Variants in PAXIP1 observed in about 807,000 individuals in gnomAD.
PAXIP1 encodes the protein PAX-interacting protein 1.
A neutral mutation model predicts 140.6 loss-of-function variants in PAXIP1; 19 were observed. The ratio of observed to expected loss-of-function variants is 0.14; its 90% confidence interval spans 0.09 to 0.20. The LOEUF is 0.20. Ranked by LOEUF, PAXIP1 falls within the 10% of genes least tolerant of loss-of-function variation. The probability of loss-of-function intolerance (pLI) is 1.00; values close to 1 mark genes in which losing one functional copy is unlikely to be tolerated. For synonymous variants in PAXIP1, 442 were observed against 444.6 expected, an observed-to-expected ratio of 0.99 and a Z score of 0.07; for missense variants, 920 against 1,208.6, an observed-to-expected ratio of 0.76 and a Z score of 3.54.
chr7:154,952,506 A>G (rs764316295), intron 16 of PAXIP1, among the ~76,000 whole-genome samples: 2 of 152,248 alleles, frequency 1.3e-5, no homozygotes, highest in Non-Finnish European at 1.5e-5. Context: ...AAGTGCAAGA[A>G]GGCAGTGATG....
intron 15 of PAXIP1, 107 bp downstream of exon 15, chr7:154,955,422 T>C: frequency 2.9e-6 from 2 of 689,582 alleles, no homozygotes; most frequent in Admixed American, 2.6e-5. Flanking sequence ...ATAAAGACTG[T>C]TATAACTATC....
chr7:154,997,104 G>A (rs974931580), intron 2 of PAXIP1, among the ~76,000 whole-genome samples: 15 of 152,160 alleles, frequency 9.9e-5, no homozygotes, highest in African/African-American at 3.6e-4. Flanking sequence ...ATGTTCCAAA[G>A]AAGAGGGTGC....
chr7:154,984,556 T>C (rs186642700), intron 4 of PAXIP1, among the ~76,000 whole-genome samples: 7 of 152,238 alleles, frequency 4.6e-5, no homozygotes, highest in African/African-American at 1.7e-4. Flanking sequence ...TACACACTAT[T>C]CTATGAATAT....
intron 7 of PAXIP1, 63 bp from the exon 8 acceptor site, chr7:154,967,973 T>A: frequency 9.2e-7 from 1 of 1,083,052 alleles, no homozygotes; most frequent in Non-Finnish European, 1.4e-6. Context: ...GCACAAAAGT[T>A]AAAAAGTGGC....
In PAXIP1 at chr7:154,984,767, TTATC is replaced by T. The variant is rs1194317924; in HGVS notation, c.325-1439_325-1436del. On this transcript the variant is annotated intron_variant, in intron 4 of 20. Transcript: ENST00000404141. ...TAATACAGATTAATCCAATGAGTCA[TTATC>T]TAATCTTTATTAAAAATGAAATTAA... 2.0e-5 allele frequency among the ~76,000 whole-genome samples: 3 copies of T among 152,358 alleles called. No homozygotes were observed. The East Asian group carries it at 5.8e-4, about 29-fold the overall frequency.
intron 2 of PAXIP1, among the ~76,000 whole-genome samples, chr7:154,996,968 A>G (rs1047457954): frequency 2.6e-5 from 4 of 152,194 alleles, no homozygotes; most frequent in African/African-American, 9.7e-5. Context: ...AGATATGCAA[A>G]GCCGCTTTAC....
At position 154,954,347 on chromosome 7, in the gene PAXIP1, C is replaced by T. The variant is rs760398394; in HGVS notation, c.2729G>A (p.Arg910His). 2 of 1,608,468 alleles carry T rather than the reference C, an allele frequency of 1.2e-6. No homozygotes were observed. The highest frequency in any genetic ancestry group is 1.7e-4 in the Middle Eastern group (1 of 6,048). The change falls in exon 16 of 21, where the codon CGC (arginine) becomes CAC (histidine). Residue 910 changes from arginine to histidine, a missense_variant. Physicochemically the swap from Arg to His is conservative, Grantham distance 29. Coordinates refer to ENST00000404141, the MANE Select transcript of PAXIP1 (RefSeq NM_007349.4). The surrounding 1 kb of genome is among the most constrained non-coding windows in gnomAD (Gnocchi z 5.1). ...AATCGCCGTCAGGAACTTCACGGTG[C>T]GAGTCACTTTGCTGGCAATGAGGTG... ...CTHLIASKVT[R>H]TVKFLTAISV...
At chr7:154,985,497 G>A (rs1296559906) in intron 4 of PAXIP1, among the ~76,000 whole-genome samples, 3 of 151,874 alleles carry the variant, frequency 2.0e-5, no homozygotes, top group African/African-American at 4.8e-5. Flanking sequence ...CCCACCCTCC[G>A]ACCTCCTCCT....
intron 13 of PAXIP1, among the ~76,000 whole-genome samples, chr7:154,959,281 A>G (rs2150748719): frequency 6.6e-6 from 1 of 152,360 alleles, no homozygotes; most frequent in Non-Finnish European, 1.5e-5. Context: ...CAACAAGAAC[A>G]TAAACCAAAG....
At position 154,976,172 on chromosome 7, in the gene PAXIP1, C is replaced by G; in HGVS notation, c.598G>C (p.Glu200Gln). The change falls in exon 6 of 21, where the codon GAA (glutamate) becomes CAA (glutamine). Residue 200 changes from glutamate to glutamine, a missense_variant. Physicochemically the swap from Glu to Gln is conservative, Grantham distance 29 (BLOSUM62 2). This residue lies in a region of PAXIP1 where 419 missense variants were observed against 514.7 expected (regional missense o/e 0.81). Coordinates refer to ENST00000404141, the MANE Select transcript of PAXIP1 (RefSeq NM_007349.4). ...EEEEEEEEEEEVENEEQDSQN... is the reference protein window; with the variant it reads ...EEEEEEEEEEQVENEEQDSQN... ...GAATCTTGTTCCTCATTTTCTACTT[C>G]CTCCTCCTCTTCCTCTTCCTCTTCT... is the stretch of plus-strand genomic sequence containing the variant. 6.2e-7 allele frequency: 1 copy of G among 1,600,608 alleles called. No homozygotes were observed. Among genetic ancestry groups the G allele is most frequent in the African/African-American group, 1.3e-5 (1 of 74,770 alleles).
rs1294907621 is a variant in PAXIP1 at position 154,962,377 on chromosome 7, G to A, written c.2071C>T (p.Arg691Ter). The A allele has an allele frequency of 2.5e-6, 4 of 1,613,754 alleles. No individual in the cohort carries two copies. The highest frequency in any genetic ancestry group is 2.2e-5 in the East Asian group (1 of 44,894). ...AAGGCCACTGGGAAGTGAAGGGCTC[G>A]GTGCGGCGGTACCATTTTCTTCTTC... ...LKKKKMVPPH[R>*]ALHFPVAFPP... The change falls in exon 10 of 21, where the codon CGA becomes TGA. Residue 691 changes from arginine to a stop codon, truncating the protein, a stop_gained. Transcript: ENST00000404141. LOFTEE classifies it high-confidence loss of function.
chr7:154,947,812 C>A (rs998533380), intron 17 of PAXIP1, 91 bp downstream of exon 17: 1 of 918,516 alleles, frequency 1.1e-6, no homozygotes, highest in Non-Finnish European at 1.8e-6. Context: ...CCCCTGGAGG[C>A]GCACTTCCCA....
At chr7:154,985,716 T>C (rs1810038779) in intron 4 of PAXIP1, among the ~76,000 whole-genome samples, 2 of 152,174 alleles carry the variant, frequency 1.3e-5, no homozygotes, top group South Asian at 2.1e-4. Flanking sequence ...CACTCTCCCT[T>C]TTCCTTCTTC....
Position 154,946,965 on chromosome 7 carries a change from G to A in PAXIP1, c.2923-152C>T, listed in dbSNP as rs958877833. The A allele has an allele frequency of 7.2e-6, 4 of 557,108 alleles. No individual in the cohort carries two copies. The highest frequency in any genetic ancestry group is 1.9e-5 in the African/African-American group (1 of 52,962). The allele number at this position is 557,108 out of a possible 1,614,324, so 34.5% of individuals were successfully genotyped here. A position where few individuals can be genotyped will look rare whatever the true frequency, so the allele number is the denominator to read the frequency against. ...CTATTCTCCTACTAGCACTCAATCT[G>A]AAGTGGAAGAGGAATCCAGCTATGT... is the stretch of plus-strand genomic sequence containing the variant. On this transcript the variant is annotated intron_variant, in intron 17 of 20. Coordinates refer to ENST00000404141, the MANE Select transcript of PAXIP1 (RefSeq NM_007349.4). This position sits in a 1 kb window ranked among gnomAD's most constrained non-coding sequence, Gnocchi z 4.9.
intron 4 of PAXIP1, among the ~76,000 whole-genome samples, chr7:154,987,191 C>A (rs1810113710): frequency 6.6e-6 from 1 of 152,204 alleles, no homozygotes; most frequent in Non-Finnish European, 1.5e-5. Flanking sequence ...GACCCCTTAG[C>A]CTGTGTGATG....
rs1809034709 is a variant in PAXIP1, at chr7:154,966,622, C to T, written c.1893+1194G>A. Among the ~76,000 whole-genome samples the T allele has an allele frequency of 3.3e-5, 5 of 152,212 alleles. No homozygotes were observed. The South Asian group carries it at 8.3e-4, about 25-fold the overall frequency. On this transcript the variant is annotated intron_variant, in intron 8 of 20. Coordinates refer to ENST00000404141, the MANE Select transcript of PAXIP1 (RefSeq NM_007349.4). ...ACAGTTTCTCAGTGCTGCCTTCGAACACTTCTGACTTTTAAAAAATCTCTG... is the reference window on the plus strand; with the variant it reads ...ACAGTTTCTCAGTGCTGCCTTCGAATACTTCTGACTTTTAAAAAATCTCTG...
intron 17 of PAXIP1, 123 bp downstream of exon 17, chr7:154,947,780 G>A: frequency 1.4e-6 from 1 of 736,730 alleles, no homozygotes; most frequent in Admixed American, 1.9e-5. Flanking sequence ...AGAGGTAAAT[G>A]GGATGCAGGG....
Position 154,975,882 on chromosome 7 carries a change from G to A in PAXIP1, c.888C>T (p.Val296=). The change falls in exon 6 of 21, where the codon GTC becomes GTT. Residue 296 remains valine (V), a synonymous_variant. Coordinates refer to ENST00000404141, the MANE Select transcript of PAXIP1 (RefSeq NM_007349.4). ...GCAAAATGTTACCTGGGACGGGTGG[G>A]ACATTGGCACACAAGTTAATCAACC... ...EPGLINLCAN[V]PPVPGNILPP... 1 of 1,613,988 alleles carries A rather than the reference G, an allele frequency of 6.2e-7. No individual in the cohort carries two copies. Among genetic ancestry groups the A allele is most frequent in the Non-Finnish European group, 8.5e-7 (1 of 1,179,894 alleles).
intron 1 of PAXIP1, among the ~76,000 whole-genome samples, chr7:154,999,549 G>C (rs1810791449): frequency 6.6e-6 from 1 of 152,170 alleles, no homozygotes; most frequent in South Asian, 2.1e-4. Context: ...ATGTCCTGAT[G>C]GGCAGAAAGG....
Sources: gnomAD v4.1 joint callset for allele counts (sites outside exome capture counted in the v4.1 genomes callset) on GRCh38, gnomAD v4.1.1 for gene constraint, gnomAD v4.1.1 regional missense constraint, Gnocchi (gnomAD v3.1) non-coding constraint, MANE v1.5 for transcripts, NCBI Gene and HGNC (gene_info 2026-07-23, HGNC 2026-07-21) for gene names.